The following TTC17 variants were observed in gnomAD, a reference collection of about 807,000 sequenced individuals.
TTC17 encodes tetratricopeptide repeat protein 17.
TTC17 carries 58 observed loss-of-function variants against 143.8 expected under a neutral mutation model. That is an observed-to-expected ratio of 0.40 (90% CI 0.33 to 0.50). TTC17 has a LOEUF of 0.50. Among genes scored for constraint, TTC17 ranks in the 20% least tolerant of loss-of-function variants. TTC17 has a pLI of 0.49. For missense variants in TTC17, 1,273 were observed against 1,392.5 expected, an observed-to-expected ratio of 0.91 and a Z score of 1.37; for synonymous variants, 501 against 497.8, an observed-to-expected ratio of 1.01 and a Z score of -0.09.
chr11:43,433,327 T>G (rs1410463583), intron 16 of TTC17, among the ~76,000 whole-genome samples: 2 of 152,230 alleles, frequency 1.3e-5, no homozygotes, highest in Non-Finnish European at 2.9e-5. Context: ...CAGTTGAGCG[T>G]AAGAACGTTA....
intron 21 of TTC17, chr11:43,489,837 C>G (rs1297284723): frequency 1.3e-5 from 2 of 152,478 alleles, no homozygotes; most frequent in Non-Finnish European, 2.9e-5. Context: ...ACTTGTCTAC[C>G]ATAGAGACGA....
chr11:43,414,956 A>C (rs1185366459), intron 16 of TTC17, among the ~76,000 whole-genome samples, 180 bp downstream of exon 16: 1 of 152,196 alleles, frequency 6.6e-6, no homozygotes, highest in African/African-American at 2.4e-5. Context: ...TAGGGTATTA[A>C]GGCTTAATTC....
chr11:43,474,723 C>T (rs2134842489), intron 21 of TTC17, among the ~76,000 whole-genome samples: 1 of 152,306 alleles, frequency 6.6e-6, no homozygotes, highest in East Asian at 1.9e-4. Context: ...TTTGACTCCT[C>T]AAAAACTTAA....
chr11:43,415,421 A>G (rs930647188), intron 16 of TTC17, among the ~76,000 whole-genome samples: 1 of 152,166 alleles, frequency 6.6e-6, no homozygotes, highest in African/African-American at 2.4e-5. Context: ...AACCTTCACT[A>G]TAAGAAAAAA....
rs115548368 is a variant in TTC17 at position 43,370,329 on chromosome 11, A to G, written c.160-8904A>G. On this transcript the variant is annotated intron_variant, in intron 1 of 23. Coordinates refer to ENST00000039989, the MANE Select transcript of TTC17 (RefSeq NM_018259.6). The stretch of plus-strand genomic sequence containing the variant: ...CGCAAACAGAAGGGTCTCTTAGACA[A>G]TCATTTGATTGTTTGAGCTAGATTT... 3.5e-3 allele frequency: 769 copies of G among 220,370 alleles called. 7 individuals carry two copies. Among genetic ancestry groups the G allele is most frequent in the African/African-American group, 0.017 (737 of 43,796 alleles). 13.7% of individuals were successfully genotyped at this position (220,370 alleles called of 1,614,324 possible).
At position 43,470,438 on chromosome 11, in the gene TTC17, C is replaced by A. The variant is rs183525629; in HGVS notation, c.3030+19173C>A. 2.6e-4 allele frequency among the ~76,000 whole-genome samples: 39 copies of A among 152,268 alleles called. No individual in the cohort carries two copies. In the East Asian group the frequency reaches 7.5e-3, roughly 29 times the overall value. The stretch of plus-strand genomic sequence containing the variant: ...TGTAATAGCCTCATGAGCATAGAGT[C>A]CTGGAGAGGGACATGGCTTGGCTAT... On this transcript the variant is annotated intron_variant, in intron 21 of 23. Transcript: ENST00000039989.
intron 8 of TTC17, among the ~76,000 whole-genome samples, chr11:43,399,678 A>G (rs560779750): frequency 2.6e-4 from 39 of 152,268 alleles, no homozygotes; most frequent in African/African-American, 8.9e-4. Context: ...GCAAGACCCC[A>G]TTTTTTAAAA....
At chr11:43,376,690 T>C (rs1339182642) in intron 1 of TTC17, among the ~76,000 whole-genome samples, 1 of 152,212 alleles carries the variant, frequency 6.6e-6, no homozygotes, top group Admixed American at 6.5e-5. Flanking sequence ...CAGGAGTACA[T>C]AGACTCTAAA....
chr11:43,440,826 T>C (rs1368037755), intron 16 of TTC17, among the ~76,000 whole-genome samples: 1 of 152,220 alleles, frequency 6.6e-6, no homozygotes, highest in African/African-American at 2.4e-5. Flanking sequence ...TACCTTTTCC[T>C]CAGTATCTTA....
At position 43,389,825 on chromosome 11, in the gene TTC17, A is replaced by G. The variant is rs1239978866; in HGVS notation, c.419+4A>G. On this transcript the variant is annotated splice_donor_region_variant and intron_variant, in intron 3 of 23. Transcript: ENST00000039989. ...CTTTGGAGAGCAAAGACATCAGGTA[A>G]AGAAGTTCTCTTTCCAAAAATAAAA... The G allele has an allele frequency of 6.3e-7, 1 of 1,576,096 alleles. No individual in the cohort carries two copies.
chr11:43,441,406 T>C (rs1275092576), intron 16 of TTC17, among the ~76,000 whole-genome samples: 2 of 152,146 alleles, frequency 1.3e-5, no homozygotes, highest in Non-Finnish European at 2.9e-5. Context: ...ATTTTTTCCC[T>C]CTAAAAAAAA....
At chr11:43,492,946 C>T (rs1242307048) in intron 23 of TTC17, among the ~76,000 whole-genome samples, 1 of 152,222 alleles carries the variant, frequency 6.6e-6, no homozygotes, top group African/African-American at 2.4e-5. Context: ...TCAGTAATGG[C>T]TTATAGAGTG....
chr11:43,489,574 C>A (rs1401091981), intron 21 of TTC17, among the ~76,000 whole-genome samples: 1 of 151,978 alleles, frequency 6.6e-6, no homozygotes, highest in Admixed American at 6.6e-5. Context: ...TCTATCTCTA[C>A]TAAAAATACA....
At chr11:43,445,708 G>A (rs1017241429) in intron 18 of TTC17, among the ~76,000 whole-genome samples, 4 of 152,128 alleles carry the variant, frequency 2.6e-5, no homozygotes, top group African/African-American at 9.7e-5. Flanking sequence ...AAGCATAGAG[G>A]ACAGAAATAC....
At chr11:43,403,970 T>C (rs1857993091) in intron 10 of TTC17, 28 bp from the exon 11 acceptor site, 1 of 1,562,140 alleles carries the variant, frequency 6.4e-7, no homozygotes, top group African/African-American at 1.4e-5. Context: ...ACTTTCAATT[T>C]GATTGAACTT....
At chr11:43,381,897 C>A (rs1856982184) in intron 2 of TTC17, among the ~76,000 whole-genome samples, 2 of 152,102 alleles carry the variant, frequency 1.3e-5, no homozygotes, top group Admixed American at 1.3e-4. Context: ...GAAGGAGGTA[C>A]AGGATTGGGG....
At chr11:43,476,422 G>C (rs538661740) in intron 21 of TTC17, among the ~76,000 whole-genome samples, 1 of 152,356 alleles carries the variant, frequency 6.6e-6, no homozygotes, top group African/African-American at 2.4e-5. Context: ...CTTGGAGAAT[G>C]CATGGTGTAT....
At position 43,489,269 on chromosome 11, in the gene TTC17, C is replaced by A. The variant is rs375095420; in HGVS notation, c.3031-970C>A. 1.0e-3 allele frequency among the ~76,000 whole-genome samples: 156 copies of A among 152,172 alleles called. 1 individual carries two copies. Among genetic ancestry groups the A allele is most frequent in the African/African-American group, 3.6e-3 (150 of 41,518 alleles). On this transcript the variant is annotated intron_variant, in intron 21 of 23. Transcript: ENST00000039989. Reference sequence around the variant, plus strand: ...GCAAATAGTTTACAGAAAAGACGTTCAAAAGGCTAACAAATATGGAAGAAT... The same window carrying A: ...GCAAATAGTTTACAGAAAAGACGTTAAAAAGGCTAACAAATATGGAAGAAT...
intron 2 of TTC17, among the ~76,000 whole-genome samples, chr11:43,383,879 C>T (rs1463726054): frequency 1.3e-5 from 2 of 151,842 alleles, no homozygotes; most frequent in Admixed American, 6.6e-5. Context: ...AAATAATAGA[C>T]ATGCAGGCCA....
Sources: gnomAD v4.1 joint callset for allele counts (sites outside exome capture counted in the v4.1 genomes callset) on GRCh38, gnomAD v4.1.1 for gene constraint, MANE v1.5 for transcripts, NCBI Gene and HGNC (gene_info 2026-07-23, HGNC 2026-07-21) for gene names.